The following RUNX1T1 variants were observed in gnomAD, a reference collection of about 807,000 sequenced individuals.
The protein encoded by RUNX1T1 is protein CBFA2T1.
Under a neutral mutation model 62.8 loss-of-function variants are expected in RUNX1T1, and 4 were observed. That is an observed-to-expected ratio of 0.06 (90% CI 0.03 to 0.15). The LOEUF (loss-of-function observed/expected upper bound fraction) is 0.15. RUNX1T1 is among the 10% of genes least tolerant of loss of function. The pLI is 1.00. For synonymous variants in RUNX1T1, 291 were observed against 286.0 expected (o/e 1.02, Z -0.18); for missense variants, 508 against 754.3 (o/e 0.67, Z 3.82).
chr8:92,006,938 G>A (rs1820898935), intron 4 of RUNX1T1, among the ~76,000 whole-genome samples: 2 of 152,006 alleles, frequency 1.3e-5, no homozygotes, highest in Admixed American at 6.6e-5. Flanking sequence ...TAGGATATTT[G>A]CTAAAGATAA....
intron 10 of RUNX1T1, among the ~76,000 whole-genome samples, chr8:91,968,922 C>A (rs1177476421): frequency 6.6e-6 from 1 of 152,030 alleles, no homozygotes; most frequent in Non-Finnish European, 1.5e-5. Flanking sequence ...TCTCAAAAAT[C>A]AAAGAATTGT....
intron 10 of RUNX1T1, among the ~76,000 whole-genome samples, chr8:91,965,318 TCTTC>T (rs1811347437): frequency 6.6e-6 from 1 of 152,228 alleles, no homozygotes; most frequent in Non-Finnish European, 1.5e-5. Flanking sequence ...ACTTCCCCGT[TCTTC>T]CTTATTAAAT....
At chr8:92,097,476 T>C (rs890375574) in intron 1 of RUNX1T1, among the ~76,000 whole-genome samples, 10 of 152,194 alleles carry the variant, frequency 6.6e-5, no homozygotes, top group Non-Finnish European at 1.3e-4. Context: ...CCACCCTTTA[T>C]TGCATTTTAG....
intron 1 of RUNX1T1, among the ~76,000 whole-genome samples, chr8:92,038,106 A>G (rs1827768023): frequency 6.6e-6 from 1 of 151,978 alleles, no homozygotes; most frequent in African/African-American, 2.4e-5. Flanking sequence ...TCTGTTGTAC[A>G]GGCTAGAGAG....
chr8:92,005,030 C>T (rs551448090), intron 5 of RUNX1T1, 86 bp downstream of exon 6: 17 of 1,155,522 alleles, frequency 1.5e-5, no homozygotes, highest in South Asian at 9.2e-5. Flanking sequence ...CATAGGCCAG[C>T]GGTTTAATTG....
chr8:92,049,312 G>T (rs1463878944), intron 1 of RUNX1T1, among the ~76,000 whole-genome samples: 2 of 152,168 alleles, frequency 1.3e-5, no homozygotes, highest in African/African-American at 4.8e-5. Context: ...CTTACCTAAA[G>T]AAAATGATAC....
intron 1 of RUNX1T1, among the ~76,000 whole-genome samples, chr8:92,084,278 T>C (rs1438367981): frequency 1.4e-5 from 2 of 147,670 alleles, no homozygotes; most frequent in Admixed American, 6.8e-5. Flanking sequence ...AGATGGGGTG[T>C]TTTGTTTGGA....
intron 1 of RUNX1T1, among the ~76,000 whole-genome samples, chr8:92,086,227 T>A (rs556034704): frequency 6.6e-5 from 10 of 152,348 alleles, no homozygotes; most frequent in African/African-American, 2.4e-4. Flanking sequence ...TATGCTGTCA[T>A]CTCTACCTTC....
Position 92,014,137 on chromosome 8 carries a change from TA to T in RUNX1T1, c.387+441del, listed in dbSNP as rs1822524574. 2.6e-5 allele frequency among the ~76,000 whole-genome samples: 4 copies of T among 152,072 alleles called. No individual in the cohort carries two copies. The South Asian group carries it at 6.2e-4, about 24-fold the overall frequency. On this transcript the variant is annotated intron_variant, in intron 3 of 10. Coordinates refer to ENST00000396218, the Ensembl canonical transcript of RUNX1T1. ...AATTCTTGTTCATCTGGGCCAATGA[TA>T]AAAATCCACTAAAGCAATGAAATTA...
chr8:91,983,406 T>C (rs183885943), intron 8 of RUNX1T1, among the ~76,000 whole-genome samples: 2 of 152,278 alleles, frequency 1.3e-5, no homozygotes, highest in Admixed American at 6.5e-5. Context: ...CCAAATATAA[T>C]TTTAAAATGC....
chr8:92,011,189 T>TACTGAC, intron 3 of RUNX1T1, 98 bp from the exon 5 acceptor site: 1 of 667,372 alleles, frequency 1.5e-6, no homozygotes, highest in South Asian at 1.9e-5. Flanking sequence ...CACAGTGTAA[T>TACTGAC]AACAAGCAAA....
intron 1 of RUNX1T1, among the ~76,000 whole-genome samples, chr8:92,035,835 C>G (rs1827313379): frequency 6.6e-6 from 1 of 151,934 alleles, no homozygotes; most frequent in Non-Finnish European, 1.5e-5. Context: ...TATTTCCAGA[C>G]AATGTAAAAG....
intron 10 of RUNX1T1, among the ~76,000 whole-genome samples, chr8:91,962,516 G>A (rs537024430): frequency 1.2e-4 from 19 of 152,290 alleles, no homozygotes; most frequent in East Asian, 5.8e-4. Flanking sequence ...AGCTCTGATC[G>A]CAAGTCTCAT....
At chr8:91,973,543 A>C (rs1171559429) in intron 9 of RUNX1T1, among the ~76,000 whole-genome samples, 3 of 152,142 alleles carry the variant, frequency 2.0e-5, no homozygotes, top group African/African-American at 7.2e-5. Context: ...CAAATACTTT[A>C]TTCACCTATG....
chr8:92,043,080 C>T (rs1828747107), intron 1 of RUNX1T1, among the ~76,000 whole-genome samples: 1 of 152,130 alleles, frequency 6.6e-6, no homozygotes, highest in African/African-American at 2.4e-5. Context: ...AGGCATATGT[C>T]TTATTGGTTA....
At chr8:92,096,445 A>T (rs1224262695) in intron 1 of RUNX1T1, among the ~76,000 whole-genome samples, 1 of 152,234 alleles carries the variant, frequency 6.6e-6, no homozygotes. Flanking sequence ...CAGCAGGGTC[A>T]GGAAGGAGAC....
At chr8:92,000,909 T>C (rs759915962) in intron 5 of RUNX1T1, among the ~76,000 whole-genome samples, 3 of 152,264 alleles carry the variant, frequency 2.0e-5, no homozygotes, top group Non-Finnish European at 4.4e-5. Context: ...ATTTAAATTC[T>C]GCACATTAAA....
At position 92,070,851 on chromosome 8, in the gene RUNX1T1, T is replaced by C. The variant is rs896243580; in HGVS notation, c.88+5114A>G. The stretch of plus-strand genomic sequence containing the variant: ...TCTGCATGACAGAATCCTAATGAAG[T>C]AGTTGGAAAAACCAAATCACTGCAC... On this transcript the variant is annotated intron_variant, in intron 2 of 11. Transcript: ENST00000265814. Among the ~76,000 whole-genome samples, 2 of 152,202 alleles carry C rather than the reference T, an allele frequency of 1.3e-5. 1 individual carries two copies. Among genetic ancestry groups the C allele is most frequent in the South Asian group, 4.1e-4 (2 of 4,832 alleles).
At chr8:91,971,301 C>T (rs1022742483) in intron 9 of RUNX1T1, 4 of 152,836 alleles carry the variant, frequency 2.6e-5, no homozygotes, top group Admixed American at 2.0e-4. Flanking sequence ...AGGTCATTCG[C>T]AAGAAACCTG....
Sources: gnomAD v4.1 joint callset for allele counts (sites outside exome capture counted in the v4.1 genomes callset) on GRCh38, gnomAD v4.1.1 for gene constraint, MANE v1.5 for transcripts, NCBI Gene and HGNC (gene_info 2026-07-23, HGNC 2026-07-21) for gene names.